ALPK1: variants seen among roughly 807,000 people sequenced by gnomAD.
The protein encoded by ALPK1 is alpha-protein kinase 1.
ALPK1 carries 110 observed loss-of-function variants against 120.6 expected under a neutral mutation model. The observed-to-expected ratio is 0.91, with a 90% CI of 0.78 to 1.07. ALPK1 has a LOEUF of 1.07. Among genes scored for constraint, ALPK1 ranks in the 50% least tolerant of loss-of-function variants. ALPK1 has a pLI of 0.00. For missense variants in ALPK1, 1,498 were observed against 1,483.9 expected, an observed-to-expected ratio of 1.01 and a Z score of -0.16; for synonymous variants, 582 against 560.3, an observed-to-expected ratio of 1.04 and a Z score of -0.55.
Position 112,431,731 on chromosome 4 carries a change from G to T in ALPK1, c.2184G>T (p.Arg728Ser). 6.2e-7 allele frequency: 1 copy of T among 1,614,142 alleles called. No homozygotes were observed. Among genetic ancestry groups the T allele is most frequent in the Non-Finnish European group, 8.5e-7 (1 of 1,180,030 alleles). ...CTTCTTGGTCTTCTGATTCTGGTAG[G>T]CCCAAGAATATGGGCACACATCCTT... is the stretch of plus-strand genomic sequence containing the variant. The part of the protein sequence containing the change: ...RSASWSSDSG[R>S]PKNMGTHPSV... The change falls in exon 11 of 16, where the codon AGG becomes AGT. Residue 728 changes from arginine to serine, a missense_variant. Physicochemically the swap from Arg to Ser is moderately radical, Grantham distance 110. Transcript: ENST00000650871.
intron 2 of ALPK1, among the ~76,000 whole-genome samples, chr4:112,343,736 C>G (rs543650100): frequency 2.6e-4 from 38 of 147,532 alleles, no homozygotes; most frequent in Middle Eastern, 7.0e-3. Flanking sequence ...CCTCCCAACC[C>G]CCACCCTTTC....
At chr4:112,346,173 C>T (rs940783142) in intron 2 of ALPK1, among the ~76,000 whole-genome samples, 6 of 152,158 alleles carry the variant, frequency 3.9e-5, no homozygotes, top group African/African-American at 1.4e-4. Context: ...GATATGAACT[C>T]TTTTTAAATA....
intron 4 of ALPK1, among the ~76,000 whole-genome samples, chr4:112,386,880 G>T (rs1004465553): frequency 3.3e-5 from 5 of 152,180 alleles, no homozygotes; most frequent in African/African-American, 1.2e-4. Flanking sequence ...TCAAGGGAAA[G>T]TAAGCGCTCC....
chr4:112,354,570 T>C (rs1010297327), intron 2 of ALPK1, among the ~76,000 whole-genome samples: 8 of 152,160 alleles, frequency 5.3e-5, no homozygotes, highest in Non-Finnish European at 1.0e-4. Flanking sequence ...CAGGTTCAAG[T>C]GAATCTCGAG....
chr4:112,428,173 T>C (rs1179317260), intron 9 of ALPK1: 4 of 152,944 alleles, frequency 2.6e-5, no homozygotes, highest in African/African-American at 9.7e-5. Context: ...TAGAGCAAAG[T>C]GTATCATTCC....
intron 5 of ALPK1, 41 bp from the exon 6 acceptor site, chr4:112,423,903 G>C: frequency 6.2e-7 from 1 of 1,608,332 alleles, no homozygotes. Context: ...TTAAGTGCAT[G>C]TTCAAAGCTA....
intron 2 of ALPK1, among the ~76,000 whole-genome samples, chr4:112,360,921 G>A (rs1730885629): frequency 6.6e-6 from 1 of 152,074 alleles, no homozygotes; most frequent in Admixed American, 6.6e-5. Flanking sequence ...GCTTCATTAT[G>A]ATATTTTTCT....
At chr4:112,350,313 C>G (rs898921042) in intron 2 of ALPK1, among the ~76,000 whole-genome samples, 1 of 152,216 alleles carries the variant, frequency 6.6e-6, no homozygotes, top group Non-Finnish European at 1.5e-5. Context: ...GATCCTTAAT[C>G]CGCACATTTC....
intron 6 of ALPK1, 147 bp downstream of exon 6, chr4:112,424,150 A>G: frequency 1.5e-6 from 1 of 670,644 alleles, no homozygotes; most frequent in East Asian, 2.8e-5. Context: ...TGAATGAAGA[A>G]GCTTTGATCA....
intron 10 of ALPK1, 48 bp downstream of exon 10, chr4:112,429,301 G>T (rs1302966941): frequency 6.8e-7 from 1 of 1,462,308 alleles, no homozygotes; most frequent in South Asian, 1.2e-5. Context: ...CCTCTCCCAG[G>T]GTGCTTTCTG....
intron 1 of ALPK1, among the ~76,000 whole-genome samples, chr4:112,299,276 T>A (rs1413606706): frequency 3.3e-5 from 5 of 152,122 alleles, no homozygotes; most frequent in African/African-American, 1.2e-4. Flanking sequence ...AAAGAAGAGA[T>A]GATTATAACT....
intron 4 of ALPK1, among the ~76,000 whole-genome samples, chr4:112,390,691 A>T (rs1732375455): frequency 1.3e-5 from 2 of 152,196 alleles, no homozygotes; most frequent in South Asian, 2.1e-4. Flanking sequence ...TGAAATATAT[A>T]TGAGGCTGCC....
intron 2 of ALPK1, among the ~76,000 whole-genome samples, chr4:112,320,583 C>T (rs1246913757): frequency 1.3e-5 from 2 of 151,996 alleles, no homozygotes; most frequent in East Asian, 3.9e-4. Context: ...AGGATTCTTT[C>T]TTTATCTTTT....
intron 4 of ALPK1, among the ~76,000 whole-genome samples, chr4:112,401,032 T>C (rs1732888289): frequency 6.6e-6 from 1 of 152,184 alleles, no homozygotes; most frequent in Non-Finnish European, 1.5e-5. Context: ...TCACCTGGGA[T>C]TGTTAAAAGA....
chr4:112,379,641 A>G (rs1731818175), intron 3 of ALPK1, among the ~76,000 whole-genome samples: 1 of 152,216 alleles, frequency 6.6e-6, no homozygotes, highest in Non-Finnish European at 1.5e-5. Context: ...AGGCATTAGT[A>G]CAGGGTCACT....
At chr4:112,352,098 C>T (rs1730386408) in intron 2 of ALPK1, among the ~76,000 whole-genome samples, 1 of 152,178 alleles carries the variant, frequency 6.6e-6, no homozygotes, top group South Asian at 2.1e-4. Context: ...TGGTTCCAAC[C>T]CTAAAAGCAG....
At chr4:112,438,369 C>CAG in intron 12 of ALPK1, 115 bp from the exon 13 acceptor site, 1 of 942,344 alleles carries the variant, frequency 1.1e-6, no homozygotes, top group South Asian at 1.7e-5. Context: ...CAGTCTAAGG[C>CAG]AGAGAAAGAG....
chr4:112,377,964 C>T (rs989459779), intron 3 of ALPK1, 66 bp downstream of exon 3: 49 of 1,497,818 alleles, frequency 3.3e-5, no homozygotes, highest in Middle Eastern at 2.3e-4. Context: ...CCTGCCTGAA[C>T]GACACGTTCT....
intron 2 of ALPK1, among the ~76,000 whole-genome samples, chr4:112,364,599 G>A (rs553233190): frequency 6.6e-6 from 1 of 152,240 alleles, no homozygotes; most frequent in South Asian, 2.1e-4. Flanking sequence ...AAGACCAGAT[G>A]GGTTCACAGC....
Sources: gnomAD v4.1 joint callset for allele counts (sites outside exome capture counted in the v4.1 genomes callset) on GRCh38, gnomAD v4.1.1 for gene constraint, MANE v1.5 for transcripts, NCBI Gene and HGNC (gene_info 2026-07-23, HGNC 2026-07-21) for gene names.